Variants in SCHIP1 observed in about 807,000 individuals in gnomAD.
The protein encoded by SCHIP1 is schwannomin interacting protein 1.
A neutral mutation model predicts 29.7 loss-of-function variants in SCHIP1; 8 were observed. That is an observed-to-expected ratio of 0.27 (90% CI 0.16 to 0.49). The LOEUF is 0.49. Among genes scored for constraint, SCHIP1 ranks in the 20% least tolerant of loss-of-function variants. The pLI is 0.99. For synonymous variants in SCHIP1, 76 were observed against 94.9 expected, an observed-to-expected ratio of 0.80 and a Z score of 1.16; for missense variants, 193 against 294.6, an observed-to-expected ratio of 0.66 and a Z score of 2.52.
the SCHIP1 span, among the ~76,000 whole-genome samples, chr3:159,569,806 T>A: frequency 2.0e-5 from 3 of 152,208 alleles, no homozygotes; most frequent in African/African-American, 7.2e-5. Context: ...CTTTCCTATT[T>A]CTCCATATCC....
At chr3:159,879,920 A>T (rs916145100) in intron 2 of SCHIP1, among the ~76,000 whole-genome samples, 2 of 152,324 alleles carry the variant, frequency 1.3e-5, no homozygotes, top group African/African-American at 4.8e-5. Context: ...TTCTGTGGCT[A>T]TGTGGTGCCA....
upstream of SCHIP1, among the ~76,000 whole-genome samples, chr3:159,836,913 T>G (rs1366091729): frequency 6.6e-6 from 1 of 152,248 alleles, no homozygotes; most frequent in African/African-American, 2.4e-5. Flanking sequence ...TAACACAAAG[T>G]TGTTTCCAAT....
At chr3:159,421,286 C>G in the SCHIP1 span, among the ~76,000 whole-genome samples, 1 of 152,136 alleles carries the variant, frequency 6.6e-6, no homozygotes, top group Non-Finnish European at 1.5e-5. Context: ...TTTTAGTCTG[C>G]TCTGTGTATT....
At chr3:159,837,299 C>T (rs989742088), upstream of SCHIP1, among the ~76,000 whole-genome samples, 2 of 152,170 alleles carry the variant, frequency 1.3e-5, no homozygotes, top group African/African-American at 4.8e-5. Flanking sequence ...TTTTAACTGC[C>T]TTTGAAGTTA....
the SCHIP1 span, among the ~76,000 whole-genome samples, chr3:159,488,763 T>C: frequency 6.6e-6 from 1 of 152,202 alleles, no homozygotes; most frequent in South Asian, 2.1e-4. Context: ...CTGTGCAATG[T>C]CATAGGAAAA....
the SCHIP1 span, among the ~76,000 whole-genome samples, chr3:159,645,365 A>T: frequency 1.4e-3 from 213 of 152,314 alleles, no homozygotes; most frequent in Admixed American, 3.7e-3. Flanking sequence ...AAAAGTGCTT[A>T]TCACATCGAC....
At chr3:159,717,330 G>T in the SCHIP1 span, among the ~76,000 whole-genome samples, 1 of 152,268 alleles carries the variant, frequency 6.6e-6, no homozygotes, top group South Asian at 2.1e-4. Flanking sequence ...AACTGGAGAA[G>T]CAAGAGCAAA....
At chr3:159,600,092 A>G in the SCHIP1 span, among the ~76,000 whole-genome samples, 4 of 152,068 alleles carry the variant, frequency 2.6e-5, no homozygotes, top group Non-Finnish European at 4.4e-5. Context: ...TAGTCTGATG[A>G]GGTTTCCTTT....
chr3:159,697,056 T>C, the SCHIP1 span, among the ~76,000 whole-genome samples: 14 of 152,278 alleles, frequency 9.2e-5, no homozygotes, highest in East Asian at 2.7e-3. Context: ...TGGTCAGACA[T>C]GCCTTTTAGA....
At chr3:159,434,725 TG>T in the SCHIP1 span, among the ~76,000 whole-genome samples, 1 of 152,160 alleles carries the variant, frequency 6.6e-6, no homozygotes, top group South Asian at 2.1e-4. Context: ...TAAAGAAGGC[TG>T]GGAAATTGAG....
the SCHIP1 span, among the ~76,000 whole-genome samples, chr3:159,347,158 A>G: frequency 6.6e-6 from 1 of 152,164 alleles, no homozygotes; most frequent in Admixed American, 6.6e-5. Context: ...GTACCATACC[A>G]TAGTACTGTA....
the SCHIP1 span, among the ~76,000 whole-genome samples, chr3:159,480,254 C>T: frequency 6.6e-6 from 1 of 152,096 alleles, no homozygotes; most frequent in Non-Finnish European, 1.5e-5. Context: ...CTGTTTGGCA[C>T]AGTGTATGAG....
the SCHIP1 span, among the ~76,000 whole-genome samples, chr3:159,374,796 G>T: frequency 3.3e-5 from 5 of 152,224 alleles, no homozygotes; most frequent in Non-Finnish European, 7.4e-5. Context: ...CACTAGATCT[G>T]TGGACTAAAG....
chr3:159,810,496 G>A, the SCHIP1 span, among the ~76,000 whole-genome samples: 1 of 152,102 alleles, frequency 6.6e-6, no homozygotes, highest in South Asian at 2.1e-4. Flanking sequence ...CCAGGCCAAG[G>A]CAACCACCGA....
the SCHIP1 span, chr3:159,387,385 C>A: frequency 5.4e-6 from 2 of 371,552 alleles, no homozygotes; most frequent in South Asian, 2.2e-5. Context: ...ATCTTCATGT[C>A]CTTGACCAGG....
chr3:159,729,281 A>G, the SCHIP1 span, among the ~76,000 whole-genome samples: 1 of 152,240 alleles, frequency 6.6e-6, no homozygotes, highest in Admixed American at 6.5e-5. Flanking sequence ...TTGTTTAATG[A>G]TGAAATACAA....
chr3:159,334,509 C>T, the SCHIP1 span, among the ~76,000 whole-genome samples: 1 of 152,138 alleles, frequency 6.6e-6, no homozygotes, highest in Non-Finnish European at 1.5e-5. Context: ...ATTCAGGTAA[C>T]CACCACCACA....
chr3:159,663,051 C>T, the SCHIP1 span, among the ~76,000 whole-genome samples: 2 of 152,182 alleles, frequency 1.3e-5, no homozygotes, highest in African/African-American at 2.4e-5. Context: ...TTTCAGATGA[C>T]ATTTTCCTCA....
the SCHIP1 span, among the ~76,000 whole-genome samples, chr3:159,416,208 A>G: frequency 6.6e-6 from 1 of 152,176 alleles, no homozygotes; most frequent in Non-Finnish European, 1.5e-5. Flanking sequence ...ATCTTCACAA[A>G]GCTCGTGCTT....
Sources: gnomAD v4.1 joint callset for allele counts (sites outside exome capture counted in the v4.1 genomes callset) on GRCh38, gnomAD v4.1.1 for gene constraint, MANE v1.5 for transcripts, NCBI Gene and HGNC (gene_info 2026-07-23, HGNC 2026-07-21) for gene names.